Variants in EYS observed in about 807,000 individuals in gnomAD.
EYS encodes the protein EGF-like photoreceptor maintenance factor, also known as protein eyes shut homolog.
A neutral mutation model predicts 282.1 loss-of-function variants in EYS; 250 were observed. The ratio of observed to expected loss-of-function variants is 0.89; its 90% CI spans 0.80 to 0.98. The LOEUF is 0.98. EYS is among the 50% of genes least tolerant of loss of function. The pLI is 0.00. For synonymous variants in EYS, 1,355 were observed against 1,282.9 expected, an observed-to-expected ratio of 1.06 and a Z score of -1.20; for missense variants, 4,016 against 3,709.0, an observed-to-expected ratio of 1.08 and a Z score of -2.15.
intron 11 of EYS, chr6:65,332,316 A>T (rs1350648094): frequency 1.4e-6 from 1 of 726,292 alleles, no homozygotes; most frequent in East Asian, 2.7e-5. Flanking sequence ...TAAGCCACTA[A>T]ATCAAACTTA....
chr6:64,822,359 C>T (rs1457173508), intron 20 of EYS, among the ~76,000 whole-genome samples: 3 of 151,972 alleles, frequency 2.0e-5, no homozygotes, highest in Non-Finnish European at 2.9e-5. Context: ...ATCTTACCTG[C>T]TAGTTCTATT....
intron 28 of EYS, among the ~76,000 whole-genome samples, chr6:64,435,657 G>A (rs1774718736): frequency 6.6e-6 from 1 of 151,594 alleles, no homozygotes; most frequent in African/African-American, 2.4e-5. Flanking sequence ...AATCAAATGA[G>A]AAAAAGGAAA....
intron 12 of EYS, among the ~76,000 whole-genome samples, chr6:65,223,647 T>C (rs1766536484): frequency 6.6e-6 from 1 of 152,162 alleles, no homozygotes; most frequent in Non-Finnish European, 1.5e-5. Flanking sequence ...AGAAGTATTC[T>C]CAGTCTAAGA....
At chr6:64,714,168 T>C (rs867561462) in intron 22 of EYS, among the ~76,000 whole-genome samples, 2 of 152,140 alleles carry the variant, frequency 1.3e-5, no homozygotes, top group African/African-American at 4.8e-5. Context: ...ATTCAAGAAA[T>C]GTTTGATAGA....
At chr6:64,624,543 A>G (rs1767542842) in intron 23 of EYS, among the ~76,000 whole-genome samples, 1 of 152,166 alleles carries the variant, frequency 6.6e-6, no homozygotes, top group Non-Finnish European at 1.5e-5. Context: ...GTTACCTGCA[A>G]GAGTTCCCAT....
At chr6:64,379,608 T>C (rs1772679532) in intron 29 of EYS, 1 of 152,136 alleles carries the variant, frequency 6.6e-6, no homozygotes. Flanking sequence ...GCCTTTGAGA[T>C]CTTTTAGAAT....
chr6:65,495,651 A>G, intron 3 of EYS, 44 bp from the exon 4 acceptor site: 1 of 567,532 alleles, frequency 1.8e-6, no homozygotes, highest in Non-Finnish European at 3.1e-6. Flanking sequence ...AGTTTTCCCT[A>G]AATTAATAAT....
At chr6:65,299,566 T>G (rs1209053430) in intron 11 of EYS, among the ~76,000 whole-genome samples, 1 of 152,030 alleles carries the variant, frequency 6.6e-6, no homozygotes, top group Non-Finnish European at 1.5e-5. Flanking sequence ...TTCCAAGTTT[T>G]AATATTCTGG....
intron 35 of EYS, among the ~76,000 whole-genome samples, chr6:63,966,175 T>C (rs1766298534): frequency 6.6e-6 from 1 of 152,194 alleles, no homozygotes; most frequent in African/African-American, 2.4e-5. Context: ...AATGGAATAC[T>C]ACTCAGCCAT....
intron 35 of EYS, among the ~76,000 whole-genome samples, chr6:63,906,593 T>C (rs866095396): frequency 6.6e-6 from 1 of 152,232 alleles, no homozygotes; most frequent in Admixed American, 6.5e-5. Flanking sequence ...TATTTGCACC[T>C]TACTGAACGC....
At position 63,788,109 on chromosome 6, in the gene EYS, A is replaced by T; in HGVS notation, c.7719T>A (p.Phe2573Leu). ...LPNGADFKNG[F>L]QGCIFTLQVR... ...TAAAAAATGTCCATGCCTTACCTTG[A>T]AAACCATTTTTAAAATCTGCTCCAT... Residue 2573 changes from phenylalanine (F) to leucine (L), a missense_variant, in exon 39 of 43, where the codon TTT becomes TTA. Phe to Leu is a conservative substitution (Grantham distance 22). Transcript: ENST00000503581. The T allele has an allele frequency of 3.3e-6, 5 of 1,534,852 alleles. No homozygotes were observed. Among genetic ancestry groups the T allele is most frequent in the Non-Finnish European group, 4.4e-6 (5 of 1,142,654 alleles).
At chr6:65,035,624 G>C (rs1229459594) in intron 13 of EYS, among the ~76,000 whole-genome samples, 1 of 151,732 alleles carries the variant, frequency 6.6e-6, no homozygotes, top group Non-Finnish European at 1.5e-5. Flanking sequence ...AGCTAAACAG[G>C]GTTGTTAAAA....
intron 33 of EYS, among the ~76,000 whole-genome samples, chr6:64,018,685 G>A (rs995608545): frequency 2.0e-5 from 3 of 147,950 alleles, no homozygotes; most frequent in Non-Finnish European, 3.0e-5. Context: ...TTGCAAATGC[G>A]ATTAAGTTAA....
chr6:64,447,370 G>A (rs999149414), intron 26 of EYS, among the ~76,000 whole-genome samples: 4 of 151,958 alleles, frequency 2.6e-5, no homozygotes, highest in Non-Finnish European at 5.9e-5. Context: ...CCCACTAATA[G>A]AGCAGGATAA....
Position 64,544,722 on chromosome 6 carries a change from G to A in EYS, c.5644+45501C>T, listed in dbSNP as rs148911977. On this transcript the variant is annotated intron_variant, in intron 26 of 42. Transcript: ENST00000503581. ...CAATCCCACAAATATACAAACTACC[G>A]TCAGAGAATACTATAAAAACCTCTA... Among the ~76,000 whole-genome samples the A allele has an allele frequency of 2.9e-3, 442 of 152,074 alleles. 7 individuals are homozygous for A. Among genetic ancestry groups the A allele is most frequent in the African/African-American group, 9.6e-3 (400 of 41,488 alleles).
chr6:64,025,600 G>T (rs924243279), intron 33 of EYS, among the ~76,000 whole-genome samples: 4 of 152,036 alleles, frequency 2.6e-5, no homozygotes, highest in African/African-American at 9.7e-5. Context: ...TAGGCACCTG[G>T]GCTCACCAAT....
At chr6:64,706,192 A>T (rs1217901131) in intron 22 of EYS, among the ~76,000 whole-genome samples, 1 of 152,130 alleles carries the variant, frequency 6.6e-6, no homozygotes, top group Non-Finnish European at 1.5e-5. Context: ...CTAATCTTCA[A>T]CAAAGCAAAC....
At chr6:65,654,744 A>T (rs558579471) in intron 1 of EYS, among the ~76,000 whole-genome samples, 3 of 151,824 alleles carry the variant, frequency 2.0e-5, no homozygotes, top group East Asian at 3.9e-4. Flanking sequence ...AAAAGAACTA[A>T]AATTGTTCCT....
intron 12 of EYS, among the ~76,000 whole-genome samples, chr6:65,166,728 G>A (rs1054714880): frequency 2.5e-4 from 37 of 151,006 alleles, no homozygotes; most frequent in African/African-American, 8.2e-4. Flanking sequence ...TGTTTCAAAG[G>A]ACACCATCAG....
Sources: gnomAD v4.1 joint callset for allele counts (sites outside exome capture counted in the v4.1 genomes callset) on GRCh38, gnomAD v4.1.1 for gene constraint, MANE v1.5 for transcripts, NCBI Gene and HGNC (gene_info 2026-07-23, HGNC 2026-07-21) for gene names.